Variants in GALNT10 observed in about 807,000 individuals in gnomAD.
GALNT10 encodes GalNAc transferase 10.
A neutral mutation model predicts 75.0 loss-of-function variants in GALNT10; 41 were observed. The observed-to-expected ratio is 0.55, with a 90% CI of 0.43 to 0.71. GALNT10 has a LOEUF of 0.71. Ranked by LOEUF, GALNT10 falls within the 30% of genes least tolerant of loss-of-function variation. GALNT10 has a pLI of 0.00. For synonymous variants in GALNT10, 302 were observed against 313.0 expected, an observed-to-expected ratio of 0.96 and a Z score of 0.37; for missense variants, 727 against 818.5, an observed-to-expected ratio of 0.89 and a Z score of 1.36.
intron 1 of GALNT10, among the ~76,000 whole-genome samples, chr5:154,228,584 A>AG (rs1398476873): frequency 6.6e-6 from 1 of 152,236 alleles, no homozygotes; most frequent in Admixed American, 6.5e-5. Context: ...CCTGTACGAG[A>AG]GCTGGCATAG....
At chr5:154,219,474 C>T (rs553610262) in intron 1 of GALNT10, 2 of 152,434 alleles carry the variant, frequency 1.3e-5, no homozygotes, top group African/African-American at 4.8e-5. Flanking sequence ...TATCCTCCAG[C>T]GTCTAGCACA....
At chr5:154,318,366 C>T (rs1275176996) in intron 3 of GALNT10, among the ~76,000 whole-genome samples, 1 of 152,132 alleles carries the variant, frequency 6.6e-6, no homozygotes, top group Non-Finnish European at 1.5e-5. Flanking sequence ...TTAGTTTCCT[C>T]AATATTTGCT....
chr5:154,368,105 G>A (rs1423301112), intron 4 of GALNT10, among the ~76,000 whole-genome samples: 1 of 152,114 alleles, frequency 6.6e-6, no homozygotes, highest in African/African-American at 2.4e-5. Context: ...CGGCTCAGTG[G>A]GCCCCACCCA....
intron 1 of GALNT10, among the ~76,000 whole-genome samples, chr5:154,238,684 C>A (rs1360169979): frequency 6.6e-6 from 1 of 152,158 alleles, no homozygotes; most frequent in Non-Finnish European, 1.5e-5. Context: ...GTGGGGGATT[C>A]ATTAGCACTG....
At chr5:154,255,277 A>G (rs1753589695) in intron 1 of GALNT10, among the ~76,000 whole-genome samples, 1 of 152,072 alleles carries the variant, frequency 6.6e-6, no homozygotes, top group Non-Finnish European at 1.5e-5. Context: ...ATATCCCTCA[A>G]TTATGTGAGG....
chr5:154,380,809 T>A (rs1755722228), intron 6 of GALNT10, among the ~76,000 whole-genome samples, 178 bp downstream of exon 6: 1 of 152,088 alleles, frequency 6.6e-6, no homozygotes, highest in South Asian at 2.1e-4. Context: ...TCCCAGCTTG[T>A]AACAACCTCA....
At chr5:154,367,309 C>T (rs1755491463) in intron 4 of GALNT10, among the ~76,000 whole-genome samples, 1 of 152,164 alleles carries the variant, frequency 6.6e-6, no homozygotes, top group Admixed American at 6.5e-5. Flanking sequence ...ACCAGTTTCC[C>T]TGGGGGTTCT....
intron 6 of GALNT10, among the ~76,000 whole-genome samples, chr5:154,385,350 G>A (rs1172066215): frequency 6.6e-6 from 1 of 152,114 alleles, no homozygotes; most frequent in Non-Finnish European, 1.5e-5. Context: ...TCCTGTTCCC[G>A]TGGGTACTGC....
chr5:154,239,932 A>G (rs1354373288), intron 1 of GALNT10, among the ~76,000 whole-genome samples: 1 of 152,164 alleles, frequency 6.6e-6, no homozygotes, highest in East Asian at 1.9e-4. Flanking sequence ...TGTTCTCCCC[A>G]TGTAACAGGT....
chr5:154,282,399 C>A (rs1754052457), intron 1 of GALNT10, among the ~76,000 whole-genome samples: 4 of 152,318 alleles, frequency 2.6e-5, no homozygotes, highest in Middle Eastern at 3.4e-3. Flanking sequence ...TTGACAGAAC[C>A]CAATCAAGCC....
chr5:154,386,262 C>G, intron 6 of GALNT10, 51 bp from the exon 7 acceptor site: 1 of 1,293,228 alleles, frequency 7.7e-7, no homozygotes, highest in South Asian at 1.2e-5. Context: ...CACATGAGAG[C>G]ATGTGGCCAG....
chr5:154,407,773 G>C (rs1756312738), intron 8 of GALNT10, among the ~76,000 whole-genome samples: 1 of 152,216 alleles, frequency 6.6e-6, no homozygotes, highest in Non-Finnish European at 1.5e-5. Context: ...GGGGCCTGGT[G>C]GGGATAAACA....
At chr5:154,265,848 A>G (rs1319929282) in intron 1 of GALNT10, among the ~76,000 whole-genome samples, 4 of 152,190 alleles carry the variant, frequency 2.6e-5, no homozygotes, top group South Asian at 2.1e-4. Flanking sequence ...AAAATCGCCA[A>G]TTAGGCACTT....
chr5:154,370,465 G>A (rs1354179228), intron 4 of GALNT10, among the ~76,000 whole-genome samples: 1 of 152,202 alleles, frequency 6.6e-6, no homozygotes, highest in Non-Finnish European at 1.5e-5. Flanking sequence ...AGTTGAATTG[G>A]CACTGGGATC....
intron 6 of GALNT10, among the ~76,000 whole-genome samples, chr5:154,382,981 G>A (rs1207282006): frequency 6.6e-6 from 1 of 152,188 alleles, no homozygotes; most frequent in African/African-American, 2.4e-5. Context: ...ATCACCTGGG[G>A]AGCTTGTAAA....
At chr5:154,241,799 G>C (rs1349498812) in intron 1 of GALNT10, among the ~76,000 whole-genome samples, 1 of 152,152 alleles carries the variant, frequency 6.6e-6, no homozygotes, top group Non-Finnish European at 1.5e-5. Flanking sequence ...CGCACACTGA[G>C]CATTCTCTTC....
At chr5:154,378,343 T>TCA (rs4032073) in intron 5 of GALNT10, among the ~76,000 whole-genome samples, 9 of 152,102 alleles carry the variant, frequency 5.9e-5, no homozygotes, top group South Asian at 2.1e-4. Context: ...ATCATCATCA[T>TCA]TATCACGGCT....
chr5:154,237,656 T>C (rs959206944), intron 1 of GALNT10, among the ~76,000 whole-genome samples: 3 of 152,260 alleles, frequency 2.0e-5, no homozygotes, highest in African/African-American at 7.2e-5. Flanking sequence ...GGACAGTTTA[T>C]CAGACTTCAC....
intron 1 of GALNT10, among the ~76,000 whole-genome samples, chr5:154,226,972 T>C (rs1432025358): frequency 6.6e-6 from 1 of 152,234 alleles, no homozygotes; most frequent in Non-Finnish European, 1.5e-5. Context: ...ACTTCCTTTT[T>C]TCAGTGACCA....
Sources: gnomAD v4.1 joint callset for allele counts (sites outside exome capture counted in the v4.1 genomes callset) on GRCh38, gnomAD v4.1.1 for gene constraint, MANE v1.5 for transcripts, NCBI Gene and HGNC (gene_info 2026-07-23, HGNC 2026-07-21) for gene names.